Variants in CDC42BPA observed in about 807,000 individuals in gnomAD.
The protein encoded by CDC42BPA is serine/threonine-protein kinase MRCK alpha.
Under a neutral mutation model 223.5 loss-of-function variants are expected in CDC42BPA, and 80 were observed. The observed-to-expected ratio is 0.36, with a 90% CI of 0.30 to 0.43. CDC42BPA has a LOEUF of 0.43. Ranked by LOEUF, CDC42BPA falls within the 20% of genes least tolerant of loss-of-function variation. CDC42BPA has a pLI of 1.00. For synonymous variants in CDC42BPA, 694 were observed against 718.6 expected (o/e 0.97, Z 0.55); for missense variants, 1,743 against 2,099.9 (o/e 0.83, Z 3.32).
At position 227,005,115 on chromosome 1, in the gene CDC42BPA, T is replaced by A; in HGVS notation, c.4858-4A>T. 1.3e-6 allele frequency: 2 copies of A among 1,597,392 alleles called. No homozygotes were observed. The highest frequency in any genetic ancestry group is 3.3e-5 in the Admixed American group (2 of 59,944). On this transcript the variant is annotated splice_region_variant and splice_polypyrimidine_tract_variant and intron_variant, in intron 34 of 36. Transcript: ENST00000366766. ...GACTTTCCTGAGGCCGAGGGTTCTA[T>A]AAACAAAAGCGAGAGAGACATCCTT...
chr1:227,027,262 G>C (rs914714159), intron 30 of CDC42BPA, among the ~76,000 whole-genome samples: 4 of 152,154 alleles, frequency 2.6e-5, no homozygotes, highest in Non-Finnish European at 4.4e-5. Context: ...GGTAGAACTA[G>C]AGGTATTTTT....
In CDC42BPA at chr1:227,076,010, A is replaced by C. The variant is rs1389567914; in HGVS notation, c.2481-1646T>G. 3.3e-5 allele frequency among the ~76,000 whole-genome samples: 5 copies of C among 152,282 alleles called. No homozygotes were observed. The East Asian group carries it at 9.6e-4, about 29-fold the overall frequency. ...ACATGTTGAACACATTACATGTTGA[A>C]CACATTTATTTACATGTTGAACACC... On this transcript the variant is annotated intron_variant, in intron 17 of 36. Transcript: ENST00000366766.
At chr1:227,305,046 C>T (rs2148769299) in intron 1 of CDC42BPA, among the ~76,000 whole-genome samples, 1 of 152,242 alleles carries the variant, frequency 6.6e-6, no homozygotes, top group East Asian at 1.9e-4. Flanking sequence ...AACAATTCAG[C>T]CCTAAAGATT....
chr1:227,264,249 C>T (rs529100233), intron 1 of CDC42BPA, among the ~76,000 whole-genome samples: 2 of 152,246 alleles, frequency 1.3e-5, no homozygotes, highest in South Asian at 4.2e-4. Flanking sequence ...TAGTAGAGGG[C>T]AAAATTTTCT....
chr1:227,048,754 A>T (rs76450107), intron 22 of CDC42BPA, among the ~76,000 whole-genome samples: 1 of 10,022 alleles, frequency 1.0e-4, no homozygotes, highest in Non-Finnish European at 2.5e-4. Flanking sequence ...AAGTAGTGAG[A>T]AAAAAAAAAA....
intron 33 of CDC42BPA, 107 bp from the exon 34 acceptor site, chr1:227,016,304 C>G: frequency 1.4e-6 from 1 of 702,988 alleles, no homozygotes; most frequent in Admixed American, 2.2e-5. Context: ...TGTTAAATCA[C>G]ATTAATAAGA....
At position 227,155,539 on chromosome 1, in the gene CDC42BPA, T is replaced by C. The variant is rs77515347; in HGVS notation, c.693+5004A>G. On this transcript the variant is annotated intron_variant, in intron 6 of 36. Transcript: ENST00000366766. Reference sequence around the variant, plus strand: ...GGATAGTACCTATGCAGTAGGTCTCTAGAACGAACAGTCCAGATTAGGAGA... The same window carrying C: ...GGATAGTACCTATGCAGTAGGTCTCCAGAACGAACAGTCCAGATTAGGAGA... 2.0e-4 allele frequency among the ~76,000 whole-genome samples: 31 copies of C among 152,248 alleles called. No homozygotes were observed. The East Asian group carries it at 5.8e-3, about 28-fold the overall frequency.
rs1661920944 is a variant in CDC42BPA, at chr1:227,152,246, T to A, written c.694-4687A>T. Among the ~76,000 whole-genome samples the A allele has an allele frequency of 2.0e-5, 3 of 152,274 alleles. No homozygotes were observed. The South Asian group carries it at 6.2e-4, about 32-fold the overall frequency. On this transcript the variant is annotated intron_variant, in intron 6 of 36. Coordinates refer to ENST00000366766, the MANE Select transcript of CDC42BPA (RefSeq NM_001394014.1). ...ATGGAGATATTGCCGAATTTATCTA[T>A]TTTTTTCTTTCGTTGCCTGTAATTT...
chr1:227,252,315 A>G (rs962225939), intron 2 of CDC42BPA, among the ~76,000 whole-genome samples: 2 of 152,084 alleles, frequency 1.3e-5, no homozygotes, highest in Admixed American at 1.3e-4. Flanking sequence ...TTTAAAAATT[A>G]GATGAAATGG....
At chr1:227,201,308 G>C (rs1355248984) in intron 3 of CDC42BPA, among the ~76,000 whole-genome samples, 1 of 151,874 alleles carries the variant, frequency 6.6e-6, no homozygotes, top group Non-Finnish European at 1.5e-5. Context: ...ACTATGCCCA[G>C]CTAATTTTTT....
At chr1:227,172,971 A>T (rs944306755) in intron 5 of CDC42BPA, among the ~76,000 whole-genome samples, 1 of 152,190 alleles carries the variant, frequency 6.6e-6, no homozygotes, top group African/African-American at 2.4e-5. Context: ...GATTCAGTTA[A>T]AGGCTCCTCA....
intron 2 of CDC42BPA, among the ~76,000 whole-genome samples, chr1:227,214,391 A>G (rs1674469511): frequency 6.6e-6 from 1 of 152,194 alleles, no homozygotes. Context: ...TTTTTCATCA[A>G]TTAAAATGGA....
chr1:227,101,020 C>T lies in CDC42BPA; in HGVS notation c.2221G>A (p.Asp741Asn), dbSNP rs3939280. The T allele has an allele frequency of 2.0e-6, 3 of 1,530,620 alleles. No individual in the cohort carries two copies. Among genetic ancestry groups the T allele is most frequent in the South Asian group, 1.1e-5 (1 of 86,978 alleles). The allele number at this position is 1,530,620 out of a possible 1,614,324, so 94.8% of individuals were successfully genotyped here. A position where few individuals can be genotyped will look rare whatever the true frequency, so the allele number is the denominator to read the frequency against. ...TCTCTTCTGGTTTTTTCCAATTTGT[C>T]TTTTAAAATCATAATTTCTTTGTTG... ...ALNKEIMILK[D>N]KLEKTRRESQ... Residue 741 changes from aspartate (D) to asparagine (N), a missense_variant, in exon 15 of 37, where the codon GAC becomes AAC. Physicochemically the swap from Asp to Asn is conservative, Grantham distance 23. This residue lies in a region of CDC42BPA where 464 missense variants were observed against 488.0 expected (regional missense o/e 0.95). Transcript: ENST00000366766.
intron 2 of CDC42BPA, among the ~76,000 whole-genome samples, chr1:227,230,959 T>C (rs991838162): frequency 1.3e-5 from 2 of 151,836 alleles, no homozygotes; most frequent in Admixed American, 1.3e-4. Flanking sequence ...TAGCTGGGAC[T>C]ACAGGCACGC....
chr1:227,138,152 G>A (rs896584246), intron 10 of CDC42BPA, among the ~76,000 whole-genome samples: 1 of 151,950 alleles, frequency 6.6e-6, no homozygotes, highest in Non-Finnish European at 1.5e-5. Flanking sequence ...TTTCTCTACT[G>A]GGCCTCTAAA....
chr1:227,066,741 G>T (rs931635738), intron 21 of CDC42BPA, among the ~76,000 whole-genome samples: 13 of 152,058 alleles, frequency 8.5e-5, no homozygotes, highest in South Asian at 8.3e-4. Context: ...GAAAGGGAGG[G>T]AACCAGCTTA....
intron 27 of CDC42BPA, 73 bp from the exon 28 acceptor site, chr1:227,031,587 G>T: frequency 1.6e-6 from 2 of 1,246,688 alleles, no homozygotes; most frequent in Non-Finnish European, 2.3e-6. Flanking sequence ...GATTATGTTA[G>T]TTTGCTTAGC....
chr1:227,125,059 G>A (rs1315098203), intron 11 of CDC42BPA, among the ~76,000 whole-genome samples: 2 of 152,104 alleles, frequency 1.3e-5, no homozygotes, highest in African/African-American at 4.8e-5. Context: ...TAAAGAAGAT[G>A]GTAACCCATA....
At chr1:227,215,693 A>C (rs576715121) in intron 2 of CDC42BPA, among the ~76,000 whole-genome samples, 1 of 152,324 alleles carries the variant, frequency 6.6e-6, no homozygotes, top group Non-Finnish European at 1.5e-5. Context: ...ATTACAGCCC[A>C]ATCTCTTCAC....
Sources: allele counts gnomAD v4.1 joint callset (sites outside exome capture counted in the v4.1 genomes callset), GRCh38; gene constraint gnomAD v4.1.1; regional missense constraint gnomAD v4.1.1; transcripts MANE v1.5; gene names NCBI Gene and HGNC (gene_info 2026-07-23, HGNC 2026-07-21).